Variants in QKI observed in about 807,000 individuals in gnomAD.
The protein encoded by QKI is QKI, KH domain containing RNA binding.
Under a neutral mutation model 39.0 loss-of-function variants are expected in QKI, and 10 were observed. That is an observed-to-expected ratio of 0.26 (90% CI 0.16 to 0.43). QKI has a LOEUF of 0.43. Ranked by LOEUF, QKI falls within the 20% of genes least tolerant of loss-of-function variation. The pLI is 1.00. For synonymous variants in QKI, 204 were observed against 155.4 expected, an observed-to-expected ratio of 1.31 and a Z score of -2.33; for missense variants, 218 against 428.0, an observed-to-expected ratio of 0.51 and a Z score of 4.33.
chr6:163,558,695 G>A (rs981879102), intron 4 of QKI, among the ~76,000 whole-genome samples: 3 of 151,924 alleles, frequency 2.0e-5, no homozygotes, highest in South Asian at 2.1e-4. Context: ...CACCACACCC[G>A]GCCAGTGAAC....
chr6:163,487,308 A>G (rs1355595263), intron 3 of QKI, among the ~76,000 whole-genome samples: 1 of 152,142 alleles, frequency 6.6e-6, no homozygotes, highest in Non-Finnish European at 1.5e-5. Context: ...GAACTCTCTC[A>G]TTCCCCATTG....
chr6:163,511,320 A>C (rs1225129091), intron 3 of QKI, among the ~76,000 whole-genome samples: 11 of 152,162 alleles, frequency 7.2e-5, no homozygotes, highest in African/African-American at 2.7e-4. Flanking sequence ...ATTTAAAGAA[A>C]ACAGCAAGGT....
At chr6:163,527,110 G>A (rs1019586006) in intron 3 of QKI, among the ~76,000 whole-genome samples, 1 of 152,038 alleles carries the variant, frequency 6.6e-6, no homozygotes, top group Admixed American at 6.6e-5. Context: ...TGATTTCAAC[G>A]GACTGAATAT....
intron 3 of QKI, among the ~76,000 whole-genome samples, chr6:163,509,135 CTCAGTCAG>C (rs1011549309): frequency 2.0e-5 from 3 of 151,718 alleles, no homozygotes; most frequent in African/African-American, 7.3e-5. Context: ...GAGACTCCGT[CTCAGTCAG>C]TCAGTCAATC....
At chr6:163,460,045 G>A (rs1391713780) in intron 2 of QKI, among the ~76,000 whole-genome samples, 1 of 152,148 alleles carries the variant, frequency 6.6e-6, no homozygotes, top group South Asian at 2.1e-4. Flanking sequence ...ATTTCAAGTT[G>A]TTAGAAATTG....
At chr6:163,564,662 T>A (rs750917529) in intron 6 of QKI, 11 of 1,613,982 alleles carry the variant, frequency 6.8e-6, no homozygotes, top group African/African-American at 4.0e-5. Flanking sequence ...GCCTTTTTTT[T>A]ATAGAGTGGA....
Position 163,455,268 on chromosome 6 carries a change from A to G in QKI, c.143-11A>G, listed in dbSNP as rs777987667. The G allele has an allele frequency of 1.8e-5, 29 of 1,595,596 alleles. No homozygotes were observed. In the East Asian group the frequency reaches 6.5e-4, roughly 36 times the overall value. Reference sequence around the variant, plus strand: ...TTTGTCTAACACATTTAAAATTTTTACTTTTAACAGAAATTAGCAGAGTAC... The same window carrying G: ...TTTGTCTAACACATTTAAAATTTTTGCTTTTAACAGAAATTAGCAGAGTAC... On this transcript the variant is annotated splice_polypyrimidine_tract_variant and intron_variant, in intron 1 of 7. Coordinates refer to ENST00000361752, the MANE Select transcript of QKI (RefSeq NM_006775.3).
At chr6:163,545,194 T>G (rs1356462900) in intron 4 of QKI, among the ~76,000 whole-genome samples, 2 of 152,246 alleles carry the variant, frequency 1.3e-5, no homozygotes, top group East Asian at 3.9e-4. Context: ...TGCAGAAATT[T>G]AAATGTGCTG....
At chr6:163,531,282 C>T (rs1025394678) in intron 3 of QKI, among the ~76,000 whole-genome samples, 2 of 152,158 alleles carry the variant, frequency 1.3e-5, no homozygotes, top group African/African-American at 4.8e-5. Context: ...GGGAGATGGC[C>T]GGCCAGCCCA....
intron 3 of QKI, among the ~76,000 whole-genome samples, chr6:163,491,925 G>C (rs1055726418): frequency 6.6e-6 from 1 of 152,164 alleles, no homozygotes; most frequent in South Asian, 2.1e-4. Flanking sequence ...AATGAAATGA[G>C]ACGTGAGTCT....
chr6:163,562,083 C>G lies in QKI; in HGVS notation c.634+14C>G, dbSNP rs1783059604. On this transcript the variant is annotated intron_variant, in intron 5 of 7. Coordinates refer to ENST00000361752, the MANE Select transcript of QKI (RefSeq NM_006775.3). Reference sequence around the variant, plus strand: ...ACATTAAATCACGTAAGAATGAGCTCTGAGGCCCAGGGTTACTGCTGTCTG... The same window carrying G: ...ACATTAAATCACGTAAGAATGAGCTGTGAGGCCCAGGGTTACTGCTGTCTG... 3.1e-6 allele frequency: 5 copies of G among 1,604,096 alleles called. No homozygotes were observed. The highest frequency in any genetic ancestry group is 4.3e-6 in the Non-Finnish European group (5 of 1,174,412).
rs914758555 is a variant in QKI, at chr6:163,464,139, T to C, written c.285+8718T>C. Among the ~76,000 whole-genome samples, 2 of 152,170 alleles carry C rather than the reference T, an allele frequency of 1.3e-5. 1 individual carries two copies. The highest frequency in any genetic ancestry group is 4.1e-4 in the South Asian group (2 of 4,830). ...GATCTGCCTGATTCTTGCAGGTCAT[T>C]CTCTGAAGTCAGGAACTCGCTCTTA... On this transcript the variant is annotated intron_variant, in intron 2 of 7. Coordinates refer to ENST00000361752, the MANE Select transcript of QKI (RefSeq NM_006775.3).
intron 2 of QKI, among the ~76,000 whole-genome samples, chr6:163,471,680 C>T (rs941684238): frequency 2.6e-5 from 4 of 152,068 alleles, no homozygotes; most frequent in African/African-American, 7.2e-5. Context: ...GAAGAAAATA[C>T]GTTCATATTT....
chr6:163,485,594 G>A (rs1777610137), intron 3 of QKI, among the ~76,000 whole-genome samples: 1 of 152,152 alleles, frequency 6.6e-6, no homozygotes, highest in Admixed American at 6.5e-5. Flanking sequence ...TAAACAAGAG[G>A]AGAATAAGTA....
At chr6:163,552,304 G>A (rs913998928) in intron 4 of QKI, among the ~76,000 whole-genome samples, 3 of 150,646 alleles carry the variant, frequency 2.0e-5, no homozygotes, top group African/African-American at 7.4e-5. Context: ...CACCTCCCGG[G>A]TTCATGCCAT....
At position 163,567,486 on chromosome 6, in the gene QKI, T is replaced by G. The variant is rs1474267430; in HGVS notation, c.1009+691T>G. ...ATATTATCTGAAGGTAAACTGTCTC[T>G]TGAAGTTCTGTGGTGGTATGAGATC... On this transcript the variant is annotated intron_variant, in intron 7 of 7. Transcript: ENST00000361752. 7.1e-6 allele frequency: 7 copies of G among 984,560 alleles called. No homozygotes were observed. The African/African-American group carries it at 1.2e-4, about 17-fold the overall frequency. 61.0% of individuals were successfully genotyped at this position (984,560 alleles called of 1,614,324 possible). A position where few individuals can be genotyped will look rare whatever the true frequency, so the allele number is the denominator to read the frequency against.
At chr6:163,497,613 A>G (rs897882835) in intron 3 of QKI, among the ~76,000 whole-genome samples, 3 of 148,922 alleles carry the variant, frequency 2.0e-5, no homozygotes, top group African/African-American at 7.4e-5. Flanking sequence ...ATGACCTAGG[A>G]AAAAATAAGA....
At chr6:163,544,969 A>G (rs952783777) in intron 4 of QKI, among the ~76,000 whole-genome samples, 4 of 152,162 alleles carry the variant, frequency 2.6e-5, no homozygotes, top group Admixed American at 2.6e-4. Context: ...CTCTAAGATA[A>G]CTGTTGAACC....
At chr6:163,514,942 C>T (rs1467562482) in intron 3 of QKI, among the ~76,000 whole-genome samples, 1 of 152,100 alleles carries the variant, frequency 6.6e-6, no homozygotes. Context: ...AGACACCATA[C>T]CCCATTTAAA....
Sources: gnomAD v4.1 joint callset for allele counts (sites outside exome capture counted in the v4.1 genomes callset) on GRCh38, gnomAD v4.1.1 for gene constraint, MANE v1.5 for transcripts, NCBI Gene and HGNC (gene_info 2026-07-23, HGNC 2026-07-21) for gene names.